ZNF500: variants seen among roughly 807,000 people sequenced by gnomAD.
ZNF500 encodes the protein zinc finger protein with KRAB and SCAN domains 18.
Under a neutral mutation model 30.1 loss-of-function variants are expected in ZNF500, and 31 were observed. The observed-to-expected ratio is 1.03, with a 90% CI of 0.77 to 1.39. The LOEUF (loss-of-function observed/expected upper bound fraction) is 1.39, where lower values mean the gene tolerates loss of function less well. Ranked by LOEUF, ZNF500 falls within the 40% of genes most tolerant of loss-of-function variation. The pLI is 0.00. For synonymous variants in ZNF500, 392 were observed against 282.0 expected (o/e 1.39, Z -3.91); for missense variants, 817 against 657.8 (o/e 1.24, Z -2.65).
rs918092483 is a variant in ZNF500, at chr16:4,754,680, A to T, written c.761-1622T>A. 4.0e-5 allele frequency among the ~76,000 whole-genome samples: 6 copies of T among 151,876 alleles called. No homozygotes were observed. In the East Asian group the frequency reaches 7.7e-4, roughly 20 times the overall value. On this transcript the variant is annotated intron_variant, in intron 5 of 5. Transcript: ENST00000219478. ...CTCTGTCTCAAAAAAATAAAAAAAAAAAAAATAGAAAATAAATAAAACTGA... is the reference window on the plus strand; with the variant it reads ...CTCTGTCTCAAAAAAATAAAAAAAATAAAAATAGAAAATAAATAAAACTGA...
intron 5 of ZNF500, among the ~76,000 whole-genome samples, chr16:4,755,939 G>C (rs1156938363): frequency 2.0e-5 from 3 of 152,160 alleles, no homozygotes; most frequent in Non-Finnish European, 4.4e-5. Context: ...CTGAGCAAAA[G>C]AAGCCAGTCA....
intron 2 of ZNF500, among the ~76,000 whole-genome samples, 185 bp downstream of exon 2, chr16:4,765,380 G>A (rs1406882360): frequency 6.6e-6 from 1 of 152,196 alleles, no homozygotes; most frequent in Non-Finnish European, 1.5e-5. Context: ...GGGGTAGGAT[G>A]AGGTTAATCA....
chr16:4,751,805 G>T lies in ZNF500; in HGVS notation c.*571C>A. ...CACCTGTAACCCCAGCTACTCAGGA[G>T]GATGAGGCAGGAGGAACACTTGAGC... On this transcript the variant is annotated 3_prime_UTR_variant, in exon 6 of 6. Coordinates refer to ENST00000219478, the MANE Select transcript of ZNF500 (RefSeq NM_021646.4). 1 of 663,398 alleles carries T rather than the reference G, an allele frequency of 1.5e-6. No individual in the cohort carries two copies. The allele number at this position is 663,398 out of a possible 1,614,324, so 41.1% of individuals were successfully genotyped here.
intron 1 of ZNF500, among the ~76,000 whole-genome samples, chr16:4,766,764 C>G (rs909088884): frequency 6.6e-6 from 1 of 152,224 alleles, no homozygotes; most frequent in African/African-American, 2.4e-5. Context: ...ACTTGATCCC[C>G]GGTGTCCAGG....
Position 4,752,323 on chromosome 16 carries a change from G to C in ZNF500, c.*53C>G. 1 of 1,439,884 alleles carries C rather than the reference G, an allele frequency of 6.9e-7. No individual in the cohort carries two copies. Among genetic ancestry groups the C allele is most frequent in the Admixed American group, 2.8e-5 (1 of 35,620 alleles). The allele number at this position is 1,439,884 out of a possible 1,614,324, so 89.2% of individuals were successfully genotyped here. A position where few individuals can be genotyped will look rare whatever the true frequency, so the allele number is the denominator to read the frequency against. Reference sequence around the variant, plus strand: ...GGACCAGGCTGTCTAGCAGTTTCCTGAATTCTGTGCCCAGGGATGAGAGTC... The same window carrying C: ...GGACCAGGCTGTCTAGCAGTTTCCTCAATTCTGTGCCCAGGGATGAGAGTC... On this transcript the variant is annotated 3_prime_UTR_variant, in exon 6 of 6. Coordinates refer to ENST00000219478, the MANE Select transcript of ZNF500 (RefSeq NM_021646.4).
chr16:4,745,847 G>A (rs1265552376), downstream of ZNF500, among the ~76,000 whole-genome samples: 1 of 151,944 alleles, frequency 6.6e-6, no homozygotes, highest in Admixed American at 6.6e-5. Context: ...CAGCTACTTG[G>A]GAGGCTGAGG....
chr16:4,747,530 G>C (rs1336812617), downstream of ZNF500: 20 of 1,612,960 alleles, frequency 1.2e-5, no homozygotes, highest in Non-Finnish European at 1.5e-5. Context: ...GAGCGCCCAG[G>C]CTCGACTCCC....
Position 4,752,092 on chromosome 16 carries a change from T to A in ZNF500, c.*284A>T. The A allele has an allele frequency of 7.6e-7, 1 of 1,320,322 alleles. No homozygotes were observed. Among genetic ancestry groups the A allele is most frequent in the South Asian group, 2.3e-5 (1 of 43,992 alleles). The allele number at this position is 1,320,322 out of a possible 1,614,324, so 81.8% of individuals were successfully genotyped here. On this transcript the variant is annotated 3_prime_UTR_variant, in exon 6 of 6. Transcript: ENST00000219478. The stretch of plus-strand genomic sequence containing the variant: ...GCCAGCCCCACGAACACCTTGAGTG[T>A]CGGCTTCTGGCCTCCTGAGTGTGTC...
At chr16:4,759,915 T>TACA in intron 5 of ZNF500, among the ~76,000 whole-genome samples, 1 of 152,200 alleles carries the variant, frequency 6.6e-6, no homozygotes, top group Non-Finnish European at 1.5e-5. Context: ...GGCGAGTACC[T>TACA]GTAATCCCAG....
chr16:4,751,986 T>C lies in ZNF500; in HGVS notation c.*390A>G. The C allele has an allele frequency of 2.2e-6, 2 of 915,084 alleles. No individual in the cohort carries two copies. The highest frequency in any genetic ancestry group is 2.9e-6 in the Non-Finnish European group (2 of 691,690). The allele number at this position is 915,084 out of a possible 1,614,324, so 56.7% of individuals were successfully genotyped here. On this transcript the variant is annotated 3_prime_UTR_variant, in exon 6 of 6. Transcript: ENST00000219478. Reference sequence around the variant, plus strand: ...GGGTCACAGACACACAGGAGAGGGGTTGGGACGTGGGGATGAGGCTGTATG... The same window carrying C: ...GGGTCACAGACACACAGGAGAGGGGCTGGGACGTGGGGATGAGGCTGTATG...
Position 4,748,814 on chromosome 16 carries a change from G to A in ZNF500, c.*3562C>T, listed in dbSNP as rs748610278. On this transcript the variant is annotated 3_prime_UTR_variant, in exon 6 of 6. Coordinates refer to ENST00000219478, the MANE Select transcript of ZNF500 (RefSeq NM_021646.4). Reference sequence around the variant, plus strand: ...TGCCACGGGCTCAGGCAGCACAGTAGGGCGCCGGGCCTTTGGGACAGTGTC... The same window carrying A: ...TGCCACGGGCTCAGGCAGCACAGTAAGGCGCCGGGCCTTTGGGACAGTGTC... 2.0e-5 allele frequency: 3 copies of A among 152,314 alleles called. No individual in the cohort carries two copies. Among genetic ancestry groups the A allele is most frequent in the Non-Finnish European group, 2.9e-5 (2 of 68,116 alleles). 9.4% of individuals were successfully genotyped at this position (152,314 alleles called of 1,614,324 possible).
At position 4,752,542 on chromosome 16, in the gene ZNF500, G is replaced by T; in HGVS notation, c.1277C>A (p.Ala426Asp). The T allele has an allele frequency of 6.4e-7, 1 of 1,567,060 alleles. No homozygotes were observed. The change falls in exon 6 of 6, where the codon GCC becomes GAC. Residue 426 changes from alanine to aspartate, a missense_variant. By Grantham distance (126) the Ala-to-Asp change is moderately radical. Coordinates refer to ENST00000219478, the MANE Select transcript of ZNF500 (RefSeq NM_021646.4). ...CTCACCTGTGTGCGTCCGGCGGTGGGCGCTGAAGTGCGAGCTGTTGTTGAA... is the reference window on the plus strand; with the variant it reads ...CTCACCTGTGTGCGTCCGGCGGTGGTCGCTGAAGTGCGAGCTGTTGTTGAA... ...KRFNNSSHFS[A>D]HRRTHTGEKP...
Position 4,751,415 on chromosome 16 carries a change from G to GTGGTC in ZNF500, c.*960_*961insGACCA. ...GAGATGTCAGGCCCGTCACATCCCA[G>GTGGTC]GCAACATGTCAGGAAGATGGAACTC... On this transcript the variant is annotated 3_prime_UTR_variant, in exon 6 of 6. Coordinates refer to ENST00000219478, the MANE Select transcript of ZNF500 (RefSeq NM_021646.4). 1.5e-6 allele frequency: 1 copy of GTGGTC among 667,830 alleles called. No individual in the cohort carries two copies. Among genetic ancestry groups the GTGGTC allele is most frequent in the Admixed American group, 3.1e-5 (1 of 32,354 alleles). The allele number at this position is 667,830 out of a possible 1,614,324, so 41.4% of individuals were successfully genotyped here.
rs1171989788 is a variant in ZNF500, at chr16:4,752,606, C to T, written c.1213G>A (p.Gly405Arg). Reference sequence around the variant, plus strand: ...TGGGTGCAGGCATAGGGCCGCTCCCCGCTGTGTGTCCTGCGGTGGATGACC... The same window carrying T: ...TGGGTGCAGGCATAGGGCCGCTCCCTGCTGTGTGTCCTGCGGTGGATGACC... ...SLVIHRRTHS[G>R]ERPYACTQCG... Residue 405 changes from glycine to arginine, a missense_variant, in exon 6 of 6, where the codon GGG becomes AGG. Coordinates refer to ENST00000219478, the MANE Select transcript of ZNF500 (RefSeq NM_021646.4). 9 of 1,600,796 alleles carry T rather than the reference C, an allele frequency of 5.6e-6. No homozygotes were observed. Among genetic ancestry groups the T allele is most frequent in the African/African-American group, 2.7e-5 (2 of 74,738 alleles).
At chr16:4,758,228 A>G (rs1256332572) in intron 5 of ZNF500, 1 of 151,634 alleles carries the variant, frequency 6.6e-6, no homozygotes, top group Non-Finnish European at 1.5e-5. Context: ...GATCAAATAG[A>G]TCCAATTTTC....
chr16:4,762,503 T>C, intron 3 of ZNF500, 70 bp downstream of exon 3: 1 of 1,546,350 alleles, frequency 6.5e-7, no homozygotes, highest in Non-Finnish European at 8.7e-7. Context: ...CTGGCCACAG[T>C]CCACACCCCA....
At chr16:4,748,071 C>G (rs17137242), downstream of ZNF500, among the ~76,000 whole-genome samples, 89,857 of 152,004 alleles carry the variant, frequency 0.59, 27,263 homozygotes, top group East Asian at 0.68. Flanking sequence ...GCCTTATTTT[C>G]TGGCTTCCTG....
At chr16:4,744,766 G>A (rs1567504067), downstream of ZNF500, 1 of 1,391,448 alleles carries the variant, frequency 7.2e-7, no homozygotes, top group Non-Finnish European at 9.8e-7. Flanking sequence ...GGAGCCTGAG[G>A]TCCATTCACA....
chr16:4,745,423 G>C (rs1238090301), downstream of ZNF500, among the ~76,000 whole-genome samples: 3 of 152,208 alleles, frequency 2.0e-5, no homozygotes, highest in African/African-American at 4.8e-5. Flanking sequence ...TCTCTGTGTA[G>C]GGGTGGAAGG....
Sources: allele counts gnomAD v4.1 joint callset (sites outside exome capture counted in the v4.1 genomes callset), GRCh38; gene constraint gnomAD v4.1.1; transcripts MANE v1.5; gene names NCBI Gene and HGNC (gene_info 2026-07-23, HGNC 2026-07-21).